The following FREM3 variants were observed in gnomAD, a reference collection of about 807,000 sequenced individuals.
The protein encoded by FREM3 is FRAS1 related extracellular matrix 3, also known as FRAS1-related extracellular matrix protein 3.
A neutral mutation model predicts 129.1 loss-of-function variants in FREM3; 105 were observed. The ratio of observed to expected loss-of-function variants is 0.81; its 90% CI spans 0.69 to 0.96. The LOEUF is 0.96. Among genes scored for constraint, FREM3 ranks in the 40% least tolerant of loss-of-function variants. FREM3 has a pLI of 0.00. For synonymous variants in FREM3, 1,014 were observed against 1,044.9 expected, an observed-to-expected ratio of 0.97 and a Z score of 0.57; for missense variants, 2,593 against 2,666.3, an observed-to-expected ratio of 0.97 and a Z score of 0.61.
intron 2 of FREM3, among the ~76,000 whole-genome samples, chr4:143,671,492 A>T (rs528405005): frequency 6.6e-6 from 1 of 152,276 alleles, no homozygotes; most frequent in East Asian, 1.9e-4. Flanking sequence ...ACACACATAT[A>T]CATATTTGCT....
intron 6 of FREM3, among the ~76,000 whole-genome samples, chr4:143,592,894 G>A (rs1738392572): frequency 6.6e-6 from 1 of 152,118 alleles, no homozygotes; most frequent in Non-Finnish European, 1.5e-5. Flanking sequence ...CGTAGATTTG[G>A]TCTTTTCACA....
rs574003991 is a variant in FREM3 at position 143,585,595 on chromosome 4, G to A, written c.6178+249C>T. Among the ~76,000 whole-genome samples the A allele has an allele frequency of 1.3e-5, 2 of 152,236 alleles. No individual in the cohort carries two copies. Among genetic ancestry groups the A allele is most frequent in the South Asian group, 4.1e-4 (2 of 4,824 alleles). On this transcript the variant is annotated intron_variant, in intron 7 of 7. Coordinates refer to ENST00000329798, the MANE Select transcript of FREM3 (RefSeq NM_001168235.2). This position sits in a 1 kb window ranked among gnomAD's most constrained non-coding sequence, Gnocchi z 4.2. ...GTATCTATAAATATTCTGAACTTTGGAAAAATTAATGTGAGCCCATGACAA... is the reference window on the plus strand; with the variant it reads ...GTATCTATAAATATTCTGAACTTTGAAAAAATTAATGTGAGCCCATGACAA...
Position 143,585,862 on chromosome 4 carries a change from C to T in FREM3, c.6160G>A (p.Glu2054Lys). 6.5e-7 allele frequency: 1 copy of T among 1,537,272 alleles called. No individual in the cohort carries two copies. The highest frequency in any genetic ancestry group is 8.7e-7 in the Non-Finnish European group (1 of 1,146,916). Residue 2054 changes from glutamate to lysine, a missense_variant, in exon 7 of 8, where the codon GAG becomes AAG. Physicochemically the swap from Glu to Lys is moderately conservative, Grantham distance 56. This residue lies in a region of FREM3 where 317 missense variants were observed against 399.0 expected (regional missense o/e 0.79). Transcript: ENST00000329798. The surrounding 1 kb of genome is among the most constrained non-coding windows in gnomAD (Gnocchi z 4.2). ...CTCTCACCTTCTGCTGACTCCTGCT[C>T]TGACTTTCTGGAGCGCACGGCGATG... ...SSIAVRSRKS[E>K]QESAEAGTDY...
chr4:143,697,333 A>C lies in FREM3; in HGVS notation c.3343T>G (p.Ser1115Ala). 6.5e-7 allele frequency: 1 copy of C among 1,537,112 alleles called. No homozygotes were observed. The highest frequency in any genetic ancestry group is 1.2e-5 in the South Asian group (1 of 84,058). The change falls in exon 1 of 8, where the codon TCT becomes GCT. Residue 1115 changes from serine to alanine, a missense_variant. Physicochemically the swap from Ser to Ala is moderately conservative, Grantham distance 99. This residue lies in a region of FREM3 where 2,276 missense variants were observed against 2,267.2 expected (regional missense o/e 1.00). Coordinates refer to ENST00000329798, the MANE Select transcript of FREM3 (RefSeq NM_001168235.2). ...LLCTVTSQPASGYLEKIASAP... is the reference protein window; with the variant it reads ...LLCTVTSQPAAGYLEKIASAP... ...GATGCAATCTTTTCCAGGTAGCCAG[A>C]GGCTGGCTGACTAGTCACTGTGCAG... is the stretch of plus-strand genomic sequence containing the variant.
chr4:143,697,852 T>A lies in FREM3; in HGVS notation c.2824A>T (p.Ser942Cys), dbSNP rs1279884058. The change falls in exon 1 of 8, where the codon AGT becomes TGT. Residue 942 changes from serine (S) to cysteine (C), a missense_variant. Ser to Cys is a moderately radical substitution (Grantham distance 112). This residue lies in a region of FREM3 where 2,276 missense variants were observed against 2,267.2 expected (regional missense o/e 1.00). Transcript: ENST00000329798. ...ISVHPNVANR[S>C]PRISLRSSSL... is the part of the protein sequence containing the mutation. ...CTACTTCTGAGAGAGATCCTAGGAC[T>A]TCTGTTAGCCACATTGGGATGCACA... is the stretch of plus-strand genomic sequence containing the variant. 4 of 1,537,742 alleles carry A rather than the reference T, an allele frequency of 2.6e-6. No homozygotes were observed. The Admixed American group carries it at 7.8e-5, about 30-fold the overall frequency.
intron 6 of FREM3, among the ~76,000 whole-genome samples, chr4:143,606,619 G>A (rs1314252354): frequency 6.6e-6 from 1 of 152,156 alleles, no homozygotes; most frequent in African/African-American, 2.4e-5. Flanking sequence ...ACTGAAGGAT[G>A]TAGTAGAGTA....
rs113931701 is a variant in FREM3, at chr4:143,588,488, G to A, written c.6029-2495C>T. On this transcript the variant is annotated intron_variant, in intron 6 of 7. Coordinates refer to ENST00000329798, the MANE Select transcript of FREM3 (RefSeq NM_001168235.2). ...AATTCCCACCTATGAGTGAGAACAT[G>A]CAGTGTTTGGTTTTTTCTCCTCGCG... Among the ~76,000 whole-genome samples the A allele has an allele frequency of 9.9e-4, 150 of 150,848 alleles. 1 individual carries two copies. The highest frequency in any genetic ancestry group is 3.3e-3 in the African/African-American group (136 of 41,034).
intron 2 of FREM3, among the ~76,000 whole-genome samples, chr4:143,633,515 T>G (rs980933251): frequency 6.6e-6 from 1 of 152,058 alleles, no homozygotes; most frequent in African/African-American, 2.4e-5. Flanking sequence ...AACAACAAAA[T>G]CCCACAGCAA....
chr4:143,604,689 C>T (rs1738638891), intron 6 of FREM3, among the ~76,000 whole-genome samples: 1 of 152,044 alleles, frequency 6.6e-6, no homozygotes, highest in Admixed American at 6.6e-5. Context: ...AACTTGCCTC[C>T]TTATTAAATT....
chr4:143,690,924 G>A (rs578140144), intron 2 of FREM3, among the ~76,000 whole-genome samples: 154 of 152,194 alleles, frequency 1.0e-3, no homozygotes, highest in African/African-American at 3.4e-3. Flanking sequence ...GATGTGGGAG[G>A]ACCAACTTGA....
rs1459904350 is a variant in FREM3 at position 143,699,335 on chromosome 4, C to A, written c.1341G>T (p.Gln447His). ...TGTGGGTGCTGGACAAGGGCCTTGA[C>A]TGACCTTCAAAAAGCACAAGTCCCC... ...HNRGLVLFEG[Q>H]SRPLSSTHSI... The change falls in exon 1 of 8, where the codon CAG (glutamine) becomes CAT (histidine). Residue 447 changes from glutamine (Q) to histidine (H), a missense_variant. This residue lies in a region of FREM3 where 2,276 missense variants were observed against 2,267.2 expected (regional missense o/e 1.00). Coordinates refer to ENST00000329798, the MANE Select transcript of FREM3 (RefSeq NM_001168235.2). The surrounding 1 kb of genome is among the most constrained non-coding windows in gnomAD (Gnocchi z 4.2). 2 of 1,537,382 alleles carry A rather than the reference C, an allele frequency of 1.3e-6. No homozygotes were observed. Among genetic ancestry groups the A allele is most frequent in the Non-Finnish European group, 1.7e-6 (2 of 1,146,942 alleles).
At chr4:143,582,393 T>C (rs1738162479) in intron 7 of FREM3, among the ~76,000 whole-genome samples, 1 of 150,258 alleles carries the variant, frequency 6.7e-6, no homozygotes, top group South Asian at 2.1e-4. Context: ...CAGCCCAAAC[T>C]TCAAAACCAA....
chr4:143,653,464 C>G (rs1272532938), intron 2 of FREM3, among the ~76,000 whole-genome samples: 2 of 152,178 alleles, frequency 1.3e-5, no homozygotes, highest in Non-Finnish European at 2.9e-5. Context: ...TGGCTGTTTC[C>G]TTCTTTAAGG....
chr4:143,616,546 G>A (rs1738852328), intron 5 of FREM3, among the ~76,000 whole-genome samples: 1 of 152,118 alleles, frequency 6.6e-6, no homozygotes, highest in African/African-American at 2.4e-5. Flanking sequence ...CAGCACTTTG[G>A]GAGGCCGAGG....
rs765554865 is a variant in FREM3, at chr4:143,577,627, C to CA, written c.6403dup (p.Cys2135LeufsTer2). 2 of 1,537,178 alleles carry CA rather than the reference C, an allele frequency of 1.3e-6. No individual in the cohort carries two copies. Among genetic ancestry groups the CA allele is most frequent in the South Asian group, 2.4e-5 (2 of 84,042 alleles). On this transcript the variant is annotated frameshift_variant, in exon 8 of 8. Coordinates refer to ENST00000329798, the MANE Select transcript of FREM3 (RefSeq NM_001168235.2). LOFTEE classifies it high-confidence loss of function. ...TAAAGTCTTTCAATCAAAGGAACTA[C>CA]AAGCACTCTGCTTACAGTCCGTGAT...
At chr4:143,684,184 T>G (rs1740312094) in intron 2 of FREM3, among the ~76,000 whole-genome samples, 1 of 152,042 alleles carries the variant, frequency 6.6e-6, no homozygotes, top group African/African-American at 2.4e-5. Context: ...TGTGACCTCC[T>G]AGCAGGAGAT....
At chr4:143,600,210 T>C (rs1242052731) in intron 6 of FREM3, among the ~76,000 whole-genome samples, 1 of 137,618 alleles carries the variant, frequency 7.3e-6, no homozygotes, top group African/African-American at 2.5e-5. Context: ...CAGACCATTA[T>C]TCTAAGTGAA....
chr4:143,670,515 C>T (rs948707241), intron 2 of FREM3, among the ~76,000 whole-genome samples: 5 of 152,004 alleles, frequency 3.3e-5, no homozygotes. Context: ...ATTTAATAAC[C>T]TGTTAACATA....
At position 143,699,902 on chromosome 4, in the gene FREM3, G is replaced by A. The variant is rs1215786247; in HGVS notation, c.774C>T (p.Ser258=). The change falls in exon 1 of 8, where the codon TCC becomes TCT. Residue 258 remains serine, a synonymous_variant. Transcript: ENST00000329798. This position sits in a 1 kb window ranked among gnomAD's most constrained non-coding sequence, Gnocchi z 4.2. ...TGGGCACGTAGTCACGGTTGGGCGA[G>A]GAGGTGGCTGTGTGCTGATAGCGCA... ...AGVRYQHTAT[S]SPNRDYVPMM... The A allele has an allele frequency of 6.5e-7, 1 of 1,536,532 alleles. No individual in the cohort carries two copies. The highest frequency in any genetic ancestry group is 1.2e-5 in the South Asian group (1 of 84,042).
Sources: allele counts gnomAD v4.1 joint callset (sites outside exome capture counted in the v4.1 genomes callset), GRCh38; gene constraint gnomAD v4.1.1; regional missense constraint gnomAD v4.1.1; non-coding constraint Gnocchi (gnomAD v3.1); transcripts MANE v1.5; gene names NCBI Gene and HGNC (gene_info 2026-07-23, HGNC 2026-07-21).